NPAS3: variants seen among roughly 807,000 people sequenced by gnomAD.
NPAS3 encodes the protein neuronal PAS domain-containing protein 3.
In NPAS3, 14 loss-of-function variants were observed where a neutral mutation model predicts 73.1. That is an observed-to-expected ratio of 0.19 (90% CI 0.13 to 0.30). NPAS3 has a LOEUF of 0.30. NPAS3 is among the 10% of genes least tolerant of loss of function. The probability of loss-of-function intolerance (pLI) is 1.00; values close to 1 mark genes in which losing one functional copy is unlikely to be tolerated. For missense variants in NPAS3, 1,096 were observed against 1,250.0 expected, an observed-to-expected ratio of 0.88 and a Z score of 1.86; for synonymous variants, 620 against 541.5, an observed-to-expected ratio of 1.14 and a Z score of -2.01.
intron 2 of NPAS3, among the ~76,000 whole-genome samples, chr14:33,150,997 C>T (rs753872641): frequency 2.6e-5 from 4 of 152,164 alleles, no homozygotes; most frequent in Admixed American, 6.5e-5. Flanking sequence ...GGATCTAATA[C>T]GATATTCCTT....
chr14:33,763,337 G>A (rs967016818), intron 7 of NPAS3, among the ~76,000 whole-genome samples: 4 of 152,212 alleles, frequency 2.6e-5, no homozygotes, highest in African/African-American at 7.2e-5. Context: ...ATATTATAGA[G>A]TTCAGAGGGT....
intron 2 of NPAS3, among the ~76,000 whole-genome samples, chr14:33,123,280 G>A (rs534558239): frequency 6.6e-6 from 1 of 152,090 alleles, no homozygotes; most frequent in Non-Finnish European, 1.5e-5. Flanking sequence ...GGATTTGGGG[G>A]ACCTACTAGA....
intron 5 of NPAS3, among the ~76,000 whole-genome samples, chr14:33,672,068 T>C (rs1319977764): frequency 2.6e-5 from 4 of 152,164 alleles, no homozygotes; most frequent in Non-Finnish European, 5.9e-5. Flanking sequence ...ATGTTACAGT[T>C]CAAATAATGA....
intron 3 of NPAS3, among the ~76,000 whole-genome samples, chr14:33,255,625 G>A (rs4982063): frequency 0.23 from 34,916 of 151,978 alleles, 4,349 homozygotes; most frequent in Non-Finnish European, 0.28. Flanking sequence ...CTCATCCAAT[G>A]TTGGGTAGGG....
At chr14:33,684,922 G>T (rs1419264947) in intron 6 of NPAS3, among the ~76,000 whole-genome samples, 1 of 152,216 alleles carries the variant, frequency 6.6e-6, no homozygotes, top group Non-Finnish European at 1.5e-5. Context: ...GGAGGGATCT[G>T]CTCATGAAAC....
chr14:33,798,478 T>C (rs2138669431), intron 11 of NPAS3, among the ~76,000 whole-genome samples: 1 of 152,304 alleles, frequency 6.6e-6, no homozygotes, highest in African/African-American at 2.4e-5. Flanking sequence ...CCAGTCAGGC[T>C]TCTTCCCTCC....
At chr14:33,589,876 G>A (rs561523749) in intron 5 of NPAS3, among the ~76,000 whole-genome samples, 16 of 152,282 alleles carry the variant, frequency 1.1e-4, no homozygotes, top group African/African-American at 3.4e-4. Flanking sequence ...GTTTTGTTGA[G>A]ATGCAGATAA....
At position 33,323,701 on chromosome 14, in the gene NPAS3, A is replaced by G. The variant is rs375451377; in HGVS notation, c.386-43485A>G. Among the ~76,000 whole-genome samples, 6 of 152,234 alleles carry G rather than the reference A, an allele frequency of 3.9e-5. 1 individual carries two copies. The East Asian group carries it at 9.6e-4, about 24-fold the overall frequency. On this transcript the variant is annotated intron_variant, in intron 3 of 11. Coordinates refer to ENST00000356141, the Ensembl canonical transcript of NPAS3. ...ATGATGATTTCAAAAGCATGGGAAC[A>G]ACTATAGGGAGAAAAGTTTACCATT... is the stretch of plus-strand genomic sequence containing the variant.
At chr14:32,989,393 C>T (rs2038222716) in intron 1 of NPAS3, among the ~76,000 whole-genome samples, 1 of 152,114 alleles carries the variant, frequency 6.6e-6, no homozygotes. Flanking sequence ...GCCTGTAATC[C>T]CAGCACTTTG....
intron 5 of NPAS3, among the ~76,000 whole-genome samples, chr14:33,571,640 G>T (rs371533862): frequency 6.6e-6 from 1 of 152,168 alleles, no homozygotes; most frequent in Admixed American, 6.5e-5. Context: ...TTATATAAGT[G>T]CAAAAGGAGG....
intron 3 of NPAS3, among the ~76,000 whole-genome samples, chr14:33,298,427 ATATT>A (rs2042393990): frequency 1.3e-5 from 2 of 152,160 alleles, no homozygotes; most frequent in African/African-American, 4.8e-5. Context: ...GCTGGGATAA[ATATT>A]AAGTTTCAGG....
intron 4 of NPAS3, among the ~76,000 whole-genome samples, chr14:33,476,100 A>G (rs988585065): frequency 3.9e-5 from 6 of 152,188 alleles, no homozygotes; most frequent in Non-Finnish European, 8.8e-5. Flanking sequence ...CCTTAGCGCT[A>G]TATCCCATGT....
intron 1 of NPAS3, among the ~76,000 whole-genome samples, chr14:32,974,615 CAA>C (rs1308430988): frequency 2.0e-5 from 3 of 152,020 alleles, no homozygotes; most frequent in African/African-American, 7.2e-5. Context: ...AACAACCAAA[CAA>C]AGACAGAGCT....
chr14:33,646,736 C>T (rs1340961070), intron 5 of NPAS3, among the ~76,000 whole-genome samples: 1 of 152,152 alleles, frequency 6.6e-6, no homozygotes, highest in Non-Finnish European at 1.5e-5. Flanking sequence ...TGTTTGTGGT[C>T]TTTGGTGCCT....
rs146946642 is a variant in NPAS3, at chr14:33,762,769, C to G, written c.853-11568C>G. Among the ~76,000 whole-genome samples the G allele has an allele frequency of 4.3e-4, 65 of 152,236 alleles. No individual in the cohort carries two copies. The East Asian group carries it at 0.011, about 27-fold the overall frequency. On this transcript the variant is annotated intron_variant, in intron 7 of 11. Coordinates refer to ENST00000356141, the Ensembl canonical transcript of NPAS3. ...TGTAAATGACTATCTCTAATCATGGCTGAATAAACCAAATGCAGCAAATGA... is the reference window on the plus strand; with the variant it reads ...TGTAAATGACTATCTCTAATCATGGGTGAATAAACCAAATGCAGCAAATGA...
intron 1 of NPAS3, among the ~76,000 whole-genome samples, chr14:33,008,748 C>T (rs1023960701): frequency 6.6e-6 from 1 of 152,060 alleles, no homozygotes; most frequent in Non-Finnish European, 1.5e-5. Flanking sequence ...TTATTTATTG[C>T]GTAGGCCTTG....
intron 5 of NPAS3, among the ~76,000 whole-genome samples, chr14:33,624,246 T>C (rs1449915987): frequency 6.6e-6 from 1 of 152,222 alleles, no homozygotes; most frequent in Non-Finnish European, 1.5e-5. Flanking sequence ...TAGAACAGCA[T>C]GTGACAGATA....
chr14:33,512,254 C>T (rs1168822099), intron 4 of NPAS3, among the ~76,000 whole-genome samples: 1 of 151,946 alleles, frequency 6.6e-6, no homozygotes, highest in East Asian at 1.9e-4. Context: ...TACTTCTCCA[C>T]ATCAAATTTG....
intron 1 of NPAS3, among the ~76,000 whole-genome samples, chr14:32,965,574 C>G (rs374413226): frequency 4.6e-5 from 7 of 152,204 alleles, no homozygotes; most frequent in African/African-American, 1.7e-4. Flanking sequence ...CAATAAGGAC[C>G]AGAAATGACA....
Sources: gnomAD v4.1 joint callset for allele counts (sites outside exome capture counted in the v4.1 genomes callset) on GRCh38, gnomAD v4.1.1 for gene constraint, MANE v1.5 for transcripts, NCBI Gene and HGNC (gene_info 2026-07-23, HGNC 2026-07-21) for gene names.